The following PFKFB3 variants were observed in gnomAD, a reference collection of about 807,000 sequenced individuals.
PFKFB3 encodes 6-phosphofructo-2-kinase/fructose-2,6-biphosphatase 3.
A neutral mutation model predicts 68.0 loss-of-function variants in PFKFB3; 33 were observed. That is an observed-to-expected ratio of 0.49 (90% CI 0.37 to 0.65). The LOEUF (loss-of-function observed/expected upper bound fraction) is 0.65, where lower values mean the gene tolerates loss of function less well. Among genes scored for constraint, PFKFB3 ranks in the 30% least tolerant of loss-of-function variants. PFKFB3 has a pLI of 0.00. For missense variants in PFKFB3, 586 were observed against 712.2 expected, an observed-to-expected ratio of 0.82 and a Z score of 2.02; for synonymous variants, 315 against 288.2, an observed-to-expected ratio of 1.09 and a Z score of -0.94.
At chr10:6,179,169 G>A (rs776553107) in intron 1 of PFKFB3, among the ~76,000 whole-genome samples, 1 of 152,220 alleles carries the variant, frequency 6.6e-6, no homozygotes, top group African/African-American at 2.4e-5. Context: ...TTGTTTTACT[G>A]GAGGAGAAAG....
At chr10:6,185,333 C>T (rs913527184) in intron 1 of PFKFB3, among the ~76,000 whole-genome samples, 2 of 152,262 alleles carry the variant, frequency 1.3e-5, no homozygotes, top group Non-Finnish European at 2.9e-5. Flanking sequence ...CATCCGCTTA[C>T]TCACAGTGGC....
chr10:6,307,538 C>CT, the PFKFB3 span, among the ~76,000 whole-genome samples: 1 of 149,212 alleles, frequency 6.7e-6, no homozygotes, highest in Non-Finnish European at 1.5e-5. Context: ...TCCTTCCTTC[C>CT]TTCCTTCCTT....
chr10:6,160,841 C>T (rs536283916), intron 1 of PFKFB3, among the ~76,000 whole-genome samples: 5 of 151,192 alleles, frequency 3.3e-5, no homozygotes, highest in Non-Finnish European at 7.4e-5. Context: ...TTTGAAATTA[C>T]GTCAAAATGA....
At chr10:6,180,781 A>G (rs11257102) in intron 1 of PFKFB3, among the ~76,000 whole-genome samples, 54,275 of 152,006 alleles carry the variant, frequency 0.36, 10,112 homozygotes, top group East Asian at 0.62. Context: ...AATATAGTTT[A>G]TCACCAATGT....
intron 1 of PFKFB3, among the ~76,000 whole-genome samples, chr10:6,170,001 T>C (rs1308998623): frequency 5.9e-5 from 9 of 152,216 alleles, no homozygotes; most frequent in Admixed American, 5.9e-4. Flanking sequence ...GCAGTTCCCT[T>C]AAATTAGTCA....
chr10:6,293,210 G>A, the PFKFB3 span: 1 of 468,868 alleles, frequency 2.1e-6, no homozygotes, highest in Admixed American at 2.3e-5. Flanking sequence ...TCGAGTCCCA[G>A]ATGTTGACAG....
rs183876960 is a variant in PFKFB3, at chr10:6,248,535, A to C, written c.1516-5643A>C. 3.0e-3 allele frequency among the ~76,000 whole-genome samples: 441 copies of C among 148,700 alleles called. 2 individuals carry two copies. Among genetic ancestry groups the C allele is most frequent in the African/African-American group, 0.01 (419 of 40,740 alleles). On this transcript the variant is annotated intron_variant, in intron 14 of 14. Coordinates refer to the PFKFB3 transcript ENST00000640683. The stretch of plus-strand genomic sequence containing the variant: ...TCCCAGCTACTCGGGAGGCTGAGGC[A>C]TGAGAATCACTTGAACCTGGGAGGC...
the PFKFB3 span, among the ~76,000 whole-genome samples, chr10:6,267,839 C>T: frequency 6.6e-6 from 1 of 151,098 alleles, no homozygotes; most frequent in African/African-American, 2.4e-5. Context: ...CCTGTAGTCC[C>T]AGCTACTCGG....
chr10:6,326,204 G>A, the PFKFB3 span, among the ~76,000 whole-genome samples: 1 of 152,180 alleles, frequency 6.6e-6, no homozygotes, highest in East Asian at 1.9e-4. Context: ...AACACTGCAT[G>A]TTCTCACTCA....
chr10:6,291,786 C>G, the PFKFB3 span, among the ~76,000 whole-genome samples: 1 of 152,064 alleles, frequency 6.6e-6, no homozygotes, highest in Non-Finnish European at 1.5e-5. Context: ...TTTAGAAAGG[C>G]AGCAGTAATT....
chr10:6,244,890 A>G (rs190420016), intron 14 of PFKFB3, among the ~76,000 whole-genome samples: 1 of 152,316 alleles, frequency 6.6e-6, no homozygotes, highest in Non-Finnish European at 1.5e-5. Context: ...TTTATAAGAT[A>G]TGAATGAAAG....
intron 1 of PFKFB3, among the ~76,000 whole-genome samples, chr10:6,148,433 C>T (rs1273584221): frequency 6.6e-6 from 1 of 152,172 alleles, no homozygotes; most frequent in African/African-American, 2.4e-5. Flanking sequence ...GGGCCATGTC[C>T]CCTATGCTCA....
chr10:6,169,552 G>A (rs1404802383), intron 1 of PFKFB3, among the ~76,000 whole-genome samples: 1 of 152,110 alleles, frequency 6.6e-6, no homozygotes, highest in African/African-American at 2.4e-5. Flanking sequence ...AGGCCCTGAG[G>A]GTTCTCCTGG....
At chr10:6,194,767 G>T (rs972159674) in intron 1 of PFKFB3, among the ~76,000 whole-genome samples, 1 of 152,140 alleles carries the variant, frequency 6.6e-6, no homozygotes, top group African/African-American at 2.4e-5. Flanking sequence ...TTGTCCCTTT[G>T]CACAGTTTGC....
At chr10:6,160,005 C>T (rs112989868) in intron 1 of PFKFB3, among the ~76,000 whole-genome samples, 9,871 of 151,948 alleles carry the variant, frequency 0.065, 371 homozygotes, top group Non-Finnish European at 0.082. Context: ...GCAATCCTCC[C>T]GCCTGAGCCT....
rs150001371 is a variant in PFKFB3 at position 6,228,449 on chromosome 10, C to T, written c.1515+2084C>T. 2.2e-4 allele frequency among the ~76,000 whole-genome samples: 33 copies of T among 152,148 alleles called. No homozygotes were observed. The highest frequency in any genetic ancestry group is 3.5e-4 in the Non-Finnish European group (24 of 68,008). On this transcript the variant is annotated intron_variant, in intron 14 of 14. Transcript: ENST00000379775. This position sits in a 1 kb window ranked among gnomAD's most constrained non-coding sequence, Gnocchi z 4.5. ...ACTACTGTTGGGTGTGTTCCGACAC[C>T]GCCGCACGACCGCTGGCTTCTCCCC...
chr10:6,217,812 C>G (rs1200396945), intron 6 of PFKFB3, among the ~76,000 whole-genome samples: 1 of 152,182 alleles, frequency 6.6e-6, no homozygotes, highest in Non-Finnish European at 1.5e-5. Flanking sequence ...ACTATGGAGA[C>G]TTACTACAAG....
chr10:6,216,457 C>T (rs576445073), intron 4 of PFKFB3, among the ~76,000 whole-genome samples: 1 of 151,810 alleles, frequency 6.6e-6, no homozygotes, highest in East Asian at 1.9e-4. Flanking sequence ...TCCCATTGCA[C>T]ATTACTGTTT....
chr10:6,232,797 G>A lies in PFKFB3; in HGVS notation c.1516-98G>A, dbSNP rs1302705620. ...GTTCTTTGTCTGGGATGGAGGGAGG[G>A]AAGAATTCTCCGTTGCATGGCTCGC... is the stretch of plus-strand genomic sequence containing the variant. On this transcript the variant is annotated intron_variant, in intron 14 of 14. Coordinates refer to ENST00000379775, the MANE Select transcript of PFKFB3 (RefSeq NM_004566.4). 6.5e-6 allele frequency: 6 copies of A among 927,592 alleles called. No homozygotes were observed. In the Admixed American group the frequency reaches 8.9e-5, roughly 14 times the overall value. 57.5% of individuals were successfully genotyped at this position (927,592 alleles called of 1,614,324 possible). A position where few individuals can be genotyped will look rare whatever the true frequency, so the allele number is the denominator to read the frequency against.
Sources: gnomAD v4.1 joint callset for allele counts (sites outside exome capture counted in the v4.1 genomes callset) on GRCh38, gnomAD v4.1.1 for gene constraint, Gnocchi (gnomAD v3.1) non-coding constraint, MANE v1.5 for transcripts, NCBI Gene and HGNC (gene_info 2026-07-23, HGNC 2026-07-21) for gene names.